Variants in RASSF3 observed in about 807,000 individuals in gnomAD.
RASSF3 encodes Ras association domain family member 3.
A neutral mutation model predicts 19.9 loss-of-function variants in RASSF3; 19 were observed. The ratio of observed to expected loss-of-function variants is 0.96; its 90% CI spans 0.67 to 1.40. The LOEUF (loss-of-function observed/expected upper bound fraction) is 1.40, where lower values mean the gene tolerates loss of function less well. RASSF3 is among the 40% of genes most tolerant of loss of function. The pLI is 0.00. For missense variants in RASSF3, 306 were observed against 289.8 expected (o/e 1.06, Z -0.41); for synonymous variants, 110 against 104.2 (o/e 1.06, Z -0.34).
rs138923129 is a variant in RASSF3, at chr12:64,615,344, G to C, written c.111+4601G>C. Among the ~76,000 whole-genome samples, 301 of 152,184 alleles carry C rather than the reference G, an allele frequency of 2.0e-3. 2 individuals carry two copies. The highest frequency in any genetic ancestry group is 3.1e-3 in the Admixed American group (48 of 15,286). On this transcript the variant is annotated intron_variant, in intron 1 of 4. Coordinates refer to ENST00000542104, the MANE Select transcript of RASSF3 (RefSeq NM_178169.4). ...AATAAGGAAATGAGACAGTATTTTT[G>C]CTTTAGAAGTAGGGTAGTCAAGAAG...
At chr12:64,685,843 G>T (rs185100469) in intron 2 of RASSF3, among the ~76,000 whole-genome samples, 8 of 152,184 alleles carry the variant, frequency 5.3e-5, no homozygotes, top group African/African-American at 1.9e-4. Context: ...TCTAGGTCTC[G>T]CCTACCCATT....
upstream of RASSF3, among the ~76,000 whole-genome samples, chr12:64,532,093 A>T (rs1290653104): frequency 6.6e-6 from 1 of 152,200 alleles, no homozygotes; most frequent in Non-Finnish European, 1.5e-5. Flanking sequence ...GCAGATTTCT[A>T]ACCATTAAAA....
intron 1 of RASSF3, among the ~76,000 whole-genome samples, chr12:64,668,837 G>A (rs1306321910): frequency 2.0e-5 from 3 of 151,400 alleles, no homozygotes; most frequent in Admixed American, 6.6e-5. Context: ...GCCTGCCACC[G>A]CACCCAGCTA....
intron 2 of RASSF3, among the ~76,000 whole-genome samples, chr12:64,555,515 C>T (rs56721582): frequency 0.014 from 2,202 of 152,210 alleles, 54 homozygotes; most frequent in African/African-American, 0.05. Context: ...TTTGGGAGGC[C>T]GAGGCAGGCG....
intron 1 of RASSF3, chr12:64,629,876 A>G (rs925139761): frequency 6.6e-6 from 1 of 150,910 alleles, no homozygotes; most frequent in East Asian, 1.9e-4. Context: ...AGGCAGGAGA[A>G]TCACTTGAAC....
chr12:64,672,143 C>T (rs1872721790), intron 1 of RASSF3, among the ~76,000 whole-genome samples: 1 of 152,052 alleles, frequency 6.6e-6, no homozygotes, highest in Non-Finnish European at 1.5e-5. Context: ...ATAATCATAT[C>T]AGAGTAATAT....
At chr12:64,523,622 C>T (rs1201344671) in intron 1 of RASSF3, among the ~76,000 whole-genome samples, 1 of 152,032 alleles carries the variant, frequency 6.6e-6, no homozygotes, top group Non-Finnish European at 1.5e-5. Flanking sequence ...CTCTTTAAAC[C>T]CTTTGTCCTA....
Position 64,647,331 on chromosome 12 carries a change from C to T in RASSF3, c.111+36588C>T, listed in dbSNP as rs185089909. Reference sequence around the variant, plus strand: ...TGGCACGATCATGGCTCACTGCAGGCTCAGCCTCCCAGGCTCAAGTGATCT... The same window carrying T: ...TGGCACGATCATGGCTCACTGCAGGTTCAGCCTCCCAGGCTCAAGTGATCT... On this transcript the variant is annotated intron_variant, in intron 1 of 4. Coordinates refer to ENST00000542104, the MANE Select transcript of RASSF3 (RefSeq NM_178169.4). Among the ~76,000 whole-genome samples the T allele has an allele frequency of 4.3e-3, 660 of 152,124 alleles. 6 individuals carry two copies. The highest frequency in any genetic ancestry group is 0.015 in the African/African-American group (640 of 41,526).
intron 1 of RASSF3, among the ~76,000 whole-genome samples, chr12:64,651,324 T>C (rs1404678344): frequency 1.3e-5 from 2 of 152,154 alleles, no homozygotes; most frequent in African/African-American, 4.8e-5. Context: ...TGTTAACATA[T>C]GTTAAGAAGT....
At chr12:64,648,349 T>C (rs536461710) in intron 1 of RASSF3, among the ~76,000 whole-genome samples, 1 of 152,156 alleles carries the variant, frequency 6.6e-6, no homozygotes, top group African/African-American at 2.4e-5. Flanking sequence ...AGGATGTCCA[T>C]CATGTGGGAC....
At chr12:64,607,148 G>C (rs1480544234), upstream of RASSF3, among the ~76,000 whole-genome samples, 1 of 151,440 alleles carries the variant, frequency 6.6e-6, no homozygotes, top group Non-Finnish European at 1.5e-5. Context: ...GCCAGGCCTG[G>C]TGGCATATGC....
At position 64,540,990 on chromosome 12, in the gene RASSF3, A is replaced by AT. The variant is rs796550432; in HGVS notation, c.68-579dup. Among the ~76,000 whole-genome samples the AT allele has an allele frequency of 3.2e-3, 464 of 145,014 alleles. 2 individuals carry two copies. The highest frequency in any genetic ancestry group is 0.012 in the East Asian group (59 of 4,902). On this transcript the variant is annotated intron_variant, in intron 1 of 1. Transcript: ENST00000636333. ...GTCTTGCCATGTTGCCCAGGCTGGA[A>AT]TTTTTTTTTTTTCTAAGTAAGGCCA...
chr12:64,566,116 G>A (rs1488320071), intron 2 of RASSF3, among the ~76,000 whole-genome samples: 3 of 150,672 alleles, frequency 2.0e-5, no homozygotes, highest in Non-Finnish European at 3.0e-5. Flanking sequence ...CAGGAGAATC[G>A]TTTGGACCCG....
rs776451681 is a variant in RASSF3, at chr12:64,610,698, C to T, written c.66C>T (p.Ser22=). ...AEDFFFTART[S]FFRRAPQGKP... ...ACTTCTTCTTCACCGCCAGGACCTCCTTCTTCAGGAGAGCGCCCCAGGGCA... is the reference window on the plus strand; with the variant it reads ...ACTTCTTCTTCACCGCCAGGACCTCTTTCTTCAGGAGAGCGCCCCAGGGCA... Residue 22 remains serine (S), a synonymous_variant, in exon 1 of 5, where the codon TCC becomes TCT. Coordinates refer to ENST00000542104, the MANE Select transcript of RASSF3 (RefSeq NM_178169.4). 6.3e-7 allele frequency: 1 copy of T among 1,596,096 alleles called. No homozygotes were observed.
chr12:64,517,305 TC>T (rs1219604234), intron 1 of RASSF3, among the ~76,000 whole-genome samples: 3 of 99,700 alleles, frequency 3.0e-5, no homozygotes, highest in Non-Finnish European at 7.0e-5. Context: ...TGATATTAAT[TC>T]CTCCCCCCCC....
chr12:64,684,788 A>C lies in RASSF3; in HGVS notation c.113A>C (p.Asp38Ala), dbSNP rs554368121. 6.2e-7 allele frequency: 1 copy of C among 1,601,416 alleles called. No homozygotes were observed. The highest frequency in any genetic ancestry group is 1.1e-5 in the South Asian group (1 of 90,808). ...PQGKPRSGQQ[D>A]VEKEKETHSY... ...TGACATGTCTTGTTTTTCTTCTAGGATGTTGAGAAAGAGAAGGAAACCCAC... is the reference window on the plus strand; with the variant it reads ...TGACATGTCTTGTTTTTCTTCTAGGCTGTTGAGAAAGAGAAGGAAACCCAC... Residue 38 changes from aspartate (D) to alanine (A), a missense_variant and splice_region_variant, in exon 2 of 5, where the codon GAT becomes GCT. Transcript: ENST00000542104.
At chr12:64,684,382 C>T (rs1873256920) in intron 1 of RASSF3, among the ~76,000 whole-genome samples, 1 of 151,390 alleles carries the variant, frequency 6.6e-6, no homozygotes, top group South Asian at 2.1e-4. Context: ...CCGTGCCCGG[C>T]CCTTGTGTGG....
At chr12:64,650,059 G>A (rs1871884903) in intron 1 of RASSF3, among the ~76,000 whole-genome samples, 1 of 152,154 alleles carries the variant, frequency 6.6e-6, no homozygotes. Flanking sequence ...CACCAGCATT[G>A]TTTAGTGGGA....
intron 1 of RASSF3, among the ~76,000 whole-genome samples, chr12:64,635,719 G>T (rs1293148361): frequency 5.9e-5 from 9 of 152,190 alleles, no homozygotes; most frequent in African/African-American, 1.9e-4. Context: ...AGGGGAAGCT[G>T]CAGCCTAGTT....
Sources: allele counts gnomAD v4.1 joint callset (sites outside exome capture counted in the v4.1 genomes callset), GRCh38; gene constraint gnomAD v4.1.1; transcripts MANE v1.5; gene names NCBI Gene and HGNC (gene_info 2026-07-23, HGNC 2026-07-21).